Variants in TFCP2 observed in about 807,000 individuals in gnomAD.
TFCP2 encodes transcription factor CP2, also known as alpha-globin transcription factor CP2.
TFCP2 carries 33 observed loss-of-function variants against 73.4 expected under a neutral mutation model. The observed-to-expected ratio is 0.45, with a 90% confidence interval of 0.34 to 0.60. The LOEUF is 0.60. Among genes scored for constraint, TFCP2 ranks in the 20% least tolerant of loss-of-function variants. The pLI is 0.01. For missense variants in TFCP2, 352 were observed against 604.0 expected, an observed-to-expected ratio of 0.58 and a Z score of 4.37; for synonymous variants, 193 against 211.6, an observed-to-expected ratio of 0.91 and a Z score of 0.76.
chr12:51,141,149 C>T (rs566614569), intron 1 of TFCP2, among the ~76,000 whole-genome samples: 140 of 149,940 alleles, frequency 9.3e-4, no homozygotes, highest in African/African-American at 3.1e-3. Context: ...CTAGGATGGT[C>T]TTGAATTTCT....
intron 5 of TFCP2, among the ~76,000 whole-genome samples, chr12:51,109,906 A>G (rs1940355003): frequency 6.6e-6 from 1 of 151,920 alleles, no homozygotes; most frequent in South Asian, 2.1e-4. Context: ...TTTAGTAGAG[A>G]CAGGTTTTCG....
chr12:51,129,576 T>A (rs562154604), intron 1 of TFCP2, among the ~76,000 whole-genome samples: 10 of 150,620 alleles, frequency 6.6e-5, no homozygotes, highest in African/African-American at 2.4e-4. Flanking sequence ...TGACCTAAAG[T>A]CATGTCACAT....
Position 51,106,671 on chromosome 12 carries a change from T to G in TFCP2, c.829-58A>C, listed in dbSNP as rs1483419635. 13 of 1,347,800 alleles carry G rather than the reference T, an allele frequency of 9.6e-6. No homozygotes were observed. In the South Asian group the frequency reaches 1.6e-4, roughly 16 times the overall value. The allele number at this position is 1,347,800 out of a possible 1,614,324, so 83.5% of individuals were successfully genotyped here. The stretch of plus-strand genomic sequence containing the variant: ...AGCACATATGACCCCAGGATTTGAC[T>G]AAAACATTGTTACTTGAATAGCACA... On this transcript the variant is annotated intron_variant, in intron 7 of 14. Coordinates refer to ENST00000257915, the MANE Select transcript of TFCP2 (RefSeq NM_005653.5).
In TFCP2 at chr12:51,116,316, T is replaced by C. The variant is rs1335268196; in HGVS notation, c.456A>G (p.Ile152Met). Residue 152 changes from isoleucine (I) to methionine (M), a missense_variant and splice_region_variant, in exon 4 of 15, where the codon ATA becomes ATG. Ile to Met is a conservative substitution (Grantham distance 10, BLOSUM62 1). Coordinates refer to ENST00000257915, the MANE Select transcript of TFCP2 (RefSeq NM_005653.5). ...WNRPGDRILDIDIPMSVGIID... is the reference protein window; with the variant it reads ...WNRPGDRILDMDIPMSVGIID... Reference sequence around the variant, plus strand: ...AGGCAATAGATTCTCTTAACTCACCTATGTCAAGAATTCTGTCTCCAGGTC... The same window carrying C: ...AGGCAATAGATTCTCTTAACTCACCCATGTCAAGAATTCTGTCTCCAGGTC... 1 of 1,586,858 alleles carries C rather than the reference T, an allele frequency of 6.3e-7. No homozygotes were observed. Among genetic ancestry groups the C allele is most frequent in the Non-Finnish European group, 8.6e-7 (1 of 1,158,570 alleles).
chr12:51,129,297 A>T (rs1940886450), intron 1 of TFCP2, among the ~76,000 whole-genome samples: 1 of 151,816 alleles, frequency 6.6e-6, no homozygotes, highest in Non-Finnish European at 1.5e-5. Context: ...GCGGATCACG[A>T]GGTCAGGAGT....
rs977260856 is a variant in TFCP2, at chr12:51,172,803, G to A, written c.-381C>T. 2 of 179,306 alleles carry A rather than the reference G, an allele frequency of 1.1e-5. No individual in the cohort carries two copies. Among genetic ancestry groups the A allele is most frequent in the South Asian group, 2.1e-4 (2 of 9,640 alleles). 11.1% of individuals were successfully genotyped at this position (179,306 alleles called of 1,614,324 possible). A position where few individuals can be genotyped will look rare whatever the true frequency, so the allele number is the denominator to read the frequency against. On this transcript the variant is annotated 5_prime_UTR_variant, in exon 1 of 15. Coordinates refer to ENST00000257915, the MANE Select transcript of TFCP2 (RefSeq NM_005653.5). ...GCAGCAGCCGCAGGAAGCCAGCCCGGCGCTCCCACGCTGCTTTTGCACCTT... is the reference window on the plus strand; with the variant it reads ...GCAGCAGCCGCAGGAAGCCAGCCCGACGCTCCCACGCTGCTTTTGCACCTT...
intron 1 of TFCP2, among the ~76,000 whole-genome samples, chr12:51,130,041 A>T (rs912300854): frequency 2.0e-5 from 3 of 151,978 alleles, no homozygotes; most frequent in Non-Finnish European, 4.4e-5. Context: ...ATCCCAGTTA[A>T]TTGGGAGGCT....
At chr12:51,119,912 C>T (rs1056804819) in intron 1 of TFCP2, among the ~76,000 whole-genome samples, 6 of 152,070 alleles carry the variant, frequency 3.9e-5, no homozygotes, top group African/African-American at 1.4e-4. Context: ...AGGCCAGGTG[C>T]TCACGCCTGT....
chr12:51,134,419 G>C (rs1211528115), intron 1 of TFCP2, among the ~76,000 whole-genome samples: 1 of 151,932 alleles, frequency 6.6e-6, no homozygotes, highest in Non-Finnish European at 1.5e-5. Context: ...TGAGTAGCTG[G>C]GACTACAGGC....
intron 1 of TFCP2, 25 bp downstream of exon 1, chr12:51,172,276 T>G: frequency 6.2e-7 from 1 of 1,613,708 alleles, no homozygotes; most frequent in Non-Finnish European, 8.5e-7. Flanking sequence ...TCAGAAGGTG[T>G]AGGGTCTGGG....
At chr12:51,108,720 G>A (rs772554143) in intron 6 of TFCP2, among the ~76,000 whole-genome samples, 6 of 150,658 alleles carry the variant, frequency 4.0e-5, no homozygotes, top group African/African-American at 4.9e-5. Flanking sequence ...CTATGATTGC[G>A]TCACTGCACT....
rs1940410061 is a variant in TFCP2 at position 51,111,865 on chromosome 12, A to T, written c.458-882T>A. 2.0e-5 allele frequency among the ~76,000 whole-genome samples: 3 copies of T among 150,636 alleles called. No individual in the cohort carries two copies. The South Asian group carries it at 6.3e-4, about 32-fold the overall frequency. On this transcript the variant is annotated intron_variant, in intron 4 of 14. Coordinates refer to ENST00000257915, the MANE Select transcript of TFCP2 (RefSeq NM_005653.5). ...GCAAGACTTCATCTCAAAAAAAAAA[A>T]TTATTTTTAGGCCAGGCGTGGTGGC...
chr12:51,151,055 T>C (rs1265526024), intron 1 of TFCP2, among the ~76,000 whole-genome samples: 4 of 152,154 alleles, frequency 2.6e-5, no homozygotes, highest in Non-Finnish European at 5.9e-5. Context: ...TTAGAAGGCC[T>C]CTCTGATAAA....
In TFCP2 at chr12:51,094,281, A is replaced by T. The variant is rs1049146765; in HGVS notation, c.*960T>A. 6 of 152,212 alleles carry T rather than the reference A, an allele frequency of 3.9e-5. No homozygotes were observed. Among genetic ancestry groups the T allele is most frequent in the African/African-American group, 1.4e-4 (6 of 41,444 alleles). 9.4% of individuals were successfully genotyped at this position (152,212 alleles called of 1,614,324 possible). On this transcript the variant is annotated 3_prime_UTR_variant, in exon 15 of 15. Transcript: ENST00000257915. ...AATTCTTTGATTCCGATAACTAATG[A>T]CACTTAAAAAGCATCTATGTGTTCA...
rs896319703 is a variant in TFCP2 at position 51,114,763 on chromosome 12, C to CA, written c.457+1551dup. Among the ~76,000 whole-genome samples the CA allele has an allele frequency of 1.1e-4, 17 of 151,620 alleles. 1 individual carries two copies. Among genetic ancestry groups the CA allele is most frequent in the Non-Finnish European group, 2.1e-4 (14 of 67,910 alleles). ...TCACAACCATCAGGATGGATATTAT[C>CA]AAAAAATAGAAAGCAACAGGCCAGG... On this transcript the variant is annotated intron_variant, in intron 4 of 14. Transcript: ENST00000257915.
chr12:51,100,069 A>C (rs1378744432), intron 11 of TFCP2, among the ~76,000 whole-genome samples: 2 of 152,136 alleles, frequency 1.3e-5, no homozygotes, highest in African/African-American at 4.8e-5. Context: ...ACATGAAAAC[A>C]ATCAGCCGTT....
In TFCP2 at chr12:51,147,054, A is replaced by C. The variant is rs557141797; in HGVS notation, c.122+25247T>G. ...AAACCAGGATTTGCTGTGCATATAA[A>C]ACATTAGGCCGGGCACAGTGGCTCA... On this transcript the variant is annotated intron_variant, in intron 1 of 14. Transcript: ENST00000257915. Among the ~76,000 whole-genome samples the C allele has an allele frequency of 3.3e-5, 5 of 152,292 alleles. No homozygotes were observed. The South Asian group carries it at 1.0e-3, about 32-fold the overall frequency.
At chr12:51,168,216 G>A (rs1239699763) in intron 1 of TFCP2, among the ~76,000 whole-genome samples, 1 of 151,994 alleles carries the variant, frequency 6.6e-6, no homozygotes, top group Non-Finnish European at 1.5e-5. Flanking sequence ...GTCAACATAG[G>A]GAGACCCTGT....
At chr12:51,128,006 G>A (rs1940850875) in intron 1 of TFCP2, among the ~76,000 whole-genome samples, 1 of 150,922 alleles carries the variant, frequency 6.6e-6, no homozygotes, top group South Asian at 2.1e-4. Context: ...CGCAACCTCT[G>A]CCTCCTGGGT....
Sources: allele counts gnomAD v4.1 joint callset (sites outside exome capture counted in the v4.1 genomes callset), GRCh38; gene constraint gnomAD v4.1.1; transcripts MANE v1.5; gene names NCBI Gene and HGNC (gene_info 2026-07-23, HGNC 2026-07-21).